The following RAB38 variants were observed in gnomAD, a reference collection of about 807,000 sequenced individuals.
RAB38 encodes the protein RAB38, member RAS oncogene family.
A neutral mutation model predicts 18.4 loss-of-function variants in RAB38; 15 were observed. The ratio of observed to expected loss-of-function variants is 0.82; its 90% CI spans 0.55 to 1.26. The LOEUF is 1.26. Ranked by LOEUF, RAB38 falls within the 50% of genes most tolerant of loss-of-function variation. RAB38 has a pLI of 0.00. For missense variants in RAB38, 294 were observed against 267.4 expected (o/e 1.10, Z -0.69); for synonymous variants, 101 against 104.4 (o/e 0.97, Z 0.20).
At chr11:87,834,120 A>G in the RAB38 span, among the ~76,000 whole-genome samples, 2 of 152,174 alleles carry the variant, frequency 1.3e-5, no homozygotes, top group South Asian at 4.1e-4. Flanking sequence ...TTTGGACCGT[A>G]TGGAAAGCAT....
At chr11:87,946,367 AG>A in the RAB38 span, among the ~76,000 whole-genome samples, 1 of 152,084 alleles carries the variant, frequency 6.6e-6, no homozygotes, top group African/African-American at 2.4e-5. Flanking sequence ...AAACCATTAG[AG>A]GCTCTATGAG....
the RAB38 span, among the ~76,000 whole-genome samples, chr11:87,971,252 A>G: frequency 1.3e-5 from 2 of 152,250 alleles, no homozygotes; most frequent in South Asian, 2.1e-4. Flanking sequence ...ACGCTCTGGC[A>G]GAGAAGGGGG....
chr11:87,849,688 T>C, the RAB38 span, among the ~76,000 whole-genome samples: 13 of 152,258 alleles, frequency 8.5e-5, 1 homozygote, highest in East Asian at 2.5e-3. Flanking sequence ...ACTTTAATCT[T>C]CAAAGGGAAA....
intron 2 of RAB38, among the ~76,000 whole-genome samples, chr11:88,123,999 G>C (rs1418088647): frequency 2.6e-5 from 4 of 152,096 alleles, no homozygotes; most frequent in Admixed American, 6.6e-5. Flanking sequence ...CTCTTTAGTA[G>C]AGAGTTTGAA....
chr11:87,862,525 G>A, the RAB38 span, among the ~76,000 whole-genome samples: 2 of 151,996 alleles, frequency 1.3e-5, no homozygotes, highest in African/African-American at 2.4e-5. Flanking sequence ...GAGGGTGGGA[G>A]GAGGGAGAGG....
the RAB38 span, among the ~76,000 whole-genome samples, chr11:88,060,673 G>A: frequency 2.6e-5 from 4 of 152,076 alleles, no homozygotes; most frequent in East Asian, 7.7e-4. Flanking sequence ...ATAATTTTTT[G>A]TTGTTTGTAT....
chr11:88,070,391 G>A, the RAB38 span, among the ~76,000 whole-genome samples: 8 of 152,132 alleles, frequency 5.3e-5, no homozygotes, highest in Admixed American at 3.3e-4. Flanking sequence ...CTCCGGACAC[G>A]CCACCTTCAA....
the RAB38 span, among the ~76,000 whole-genome samples, chr11:88,008,478 T>C: frequency 6.6e-6 from 1 of 152,058 alleles, no homozygotes; most frequent in Non-Finnish European, 1.5e-5. Context: ...TTCTCAACCA[T>C]CATCCCAACT....
At chr11:87,975,155 G>A in the RAB38 span, among the ~76,000 whole-genome samples, 2 of 151,832 alleles carry the variant, frequency 1.3e-5, no homozygotes, top group Non-Finnish European at 2.9e-5. Flanking sequence ...CTCCTCTTCT[G>A]ATAAGGAAGT....
At chr11:88,102,348 CT>C in the RAB38 span, among the ~76,000 whole-genome samples, 3 of 152,008 alleles carry the variant, frequency 2.0e-5, no homozygotes, top group African/African-American at 7.2e-5. Flanking sequence ...TCTTTTTACT[CT>C]TTCATTCTCA....
chr11:88,022,375 A>G, the RAB38 span, among the ~76,000 whole-genome samples: 7 of 152,012 alleles, frequency 4.6e-5, no homozygotes, highest in Admixed American at 1.3e-4. Context: ...TGTATATGAC[A>G]GACCCACAGC....
At chr11:87,857,099 T>C in the RAB38 span, among the ~76,000 whole-genome samples, 1 of 151,546 alleles carries the variant, frequency 6.6e-6, no homozygotes, top group Admixed American at 6.6e-5. Flanking sequence ...CACCTATGAG[T>C]GAGAACATGT....
At chr11:87,838,368 C>T in the RAB38 span, among the ~76,000 whole-genome samples, 1 of 152,196 alleles carries the variant, frequency 6.6e-6, no homozygotes, top group Non-Finnish European at 1.5e-5. Context: ...CCCACCTTGG[C>T]CTCCCAAAGT....
the RAB38 span, among the ~76,000 whole-genome samples, chr11:87,947,876 G>A: frequency 2.0e-5 from 3 of 152,178 alleles, no homozygotes; most frequent in African/African-American, 7.2e-5. Context: ...TGGCAATGCA[G>A]TCTCTTTTTT....
chr11:88,125,567 C>G (rs1156376028), intron 2 of RAB38, among the ~76,000 whole-genome samples: 1 of 151,934 alleles, frequency 6.6e-6, no homozygotes, highest in African/African-American at 2.4e-5. Context: ...CATAGAAAGA[C>G]TCAGAACTTG....
the RAB38 span, among the ~76,000 whole-genome samples, chr11:88,059,180 A>AAC: frequency 3.4e-5 from 2 of 59,346 alleles, no homozygotes; most frequent in Middle Eastern, 6.8e-3. Context: ...ATAAAATAAG[A>AAC]ACGTGTGAAA....
In RAB38 at chr11:88,113,560, A is replaced by G. The variant is rs1241735795; in HGVS notation, c.*428T>C. ...TGGGAGAAAATATCACATCTACTTA[A>G]TAGGCCTGTCAGGCCATCAGAGAAT... On this transcript the variant is annotated 3_prime_UTR_variant, in exon 3 of 3. Coordinates refer to ENST00000243662, the MANE Select transcript of RAB38 (RefSeq NM_022337.3). The G allele has an allele frequency of 5.8e-6, 1 of 172,118 alleles. No individual in the cohort carries two copies. The highest frequency in any genetic ancestry group is 2.4e-5 in the African/African-American group (1 of 42,072). 10.7% of individuals were successfully genotyped at this position (172,118 alleles called of 1,614,324 possible). A position where few individuals can be genotyped will look rare whatever the true frequency, so the allele number is the denominator to read the frequency against.
intron 2 of RAB38, among the ~76,000 whole-genome samples, chr11:88,116,286 C>T (rs984674986): frequency 2.6e-5 from 4 of 152,176 alleles, no homozygotes; most frequent in African/African-American, 9.7e-5. Context: ...GGGGTCTCCT[C>T]GCCCAGACTT....
chr11:88,149,121 C>G (rs1943030239), intron 2 of RAB38, among the ~76,000 whole-genome samples: 1 of 152,180 alleles, frequency 6.6e-6, no homozygotes, highest in Non-Finnish European at 1.5e-5. Flanking sequence ...TTCTGCCATC[C>G]AGGGGAAACA....
Sources: allele counts gnomAD v4.1 joint callset (sites outside exome capture counted in the v4.1 genomes callset), GRCh38; gene constraint gnomAD v4.1.1; transcripts MANE v1.5; gene names NCBI Gene and HGNC (gene_info 2026-07-23, HGNC 2026-07-21).